LMF1: variants seen among roughly 807,000 people sequenced by gnomAD.
LMF1 encodes the protein lipase maturation factor 1, also known as transmembrane protein 112.
In LMF1, 68 loss-of-function variants were observed where a neutral mutation model predicts 60.6. The ratio of observed to expected loss-of-function variants is 1.12; its 90% CI spans 0.92 to 1.37. The LOEUF (loss-of-function observed/expected upper bound fraction) is 1.37. Ranked by LOEUF, LMF1 falls within the 40% of genes most tolerant of loss-of-function variation. LMF1 has a pLI of 0.00. For synonymous variants in LMF1, 418 were observed against 324.7 expected, an observed-to-expected ratio of 1.29 and a Z score of -3.09; for missense variants, 948 against 767.2, an observed-to-expected ratio of 1.24 and a Z score of -2.78.
intron 4 of LMF1, chr16:901,311 C>G (rs2070806318): frequency 6.6e-6 from 1 of 152,078 alleles, no homozygotes; most frequent in East Asian, 1.9e-4. Flanking sequence ...CAGGGGGCGT[C>G]ACGGAAAACC....
chr16:978,125 ACAC>A (rs756085732), intron 1 of LMF1, among the ~76,000 whole-genome samples: 5,663 of 107,360 alleles, frequency 0.053, 176 homozygotes, highest in Middle Eastern at 0.11. Flanking sequence ...CACCATACAC[ACAC>A]CACACCACAC....
chr16:966,649 G>A (rs754481457), intron 1 of LMF1, among the ~76,000 whole-genome samples: 48 of 152,226 alleles, frequency 3.2e-4, no homozygotes, highest in African/African-American at 8.4e-4. Flanking sequence ...TCTCCCAGGC[G>A]GGTGTGTCCT....
intron 4 of LMF1, chr16:903,639 GT>G (rs58363768): frequency 0.18 from 7,382 of 40,556 alleles, 26 homozygotes; most frequent in Non-Finnish European, 0.26. Flanking sequence ...CTGCTGCGTG[GT>G]GGTGACCTCT....
At chr16:914,775 C>CATTGGTGACACA in intron 3 of LMF1, among the ~76,000 whole-genome samples, 4 of 81,782 alleles carry the variant, frequency 4.9e-5, no homozygotes, top group Non-Finnish European at 8.2e-5. Flanking sequence ...CCCTCCCTCC[C>CATTGGTGACACA]TTCCCATGAC....
chr16:926,155 CATAT>C (rs1459802747), intron 3 of LMF1, among the ~76,000 whole-genome samples: 2 of 150,078 alleles, frequency 1.3e-5, no homozygotes, highest in East Asian at 4.0e-4. Context: ...CCTGTGTTTG[CATAT>C]GTGCATACGC....
At chr16:912,984 G>C (rs1003132108) in intron 3 of LMF1, among the ~76,000 whole-genome samples, 2 of 152,214 alleles carry the variant, frequency 1.3e-5, no homozygotes, top group Admixed American at 1.3e-4. Flanking sequence ...TGCCTGAAGC[G>C]AGCCCCAGGC....
intron 3 of LMF1, among the ~76,000 whole-genome samples, chr16:932,384 C>T (rs1489046598): frequency 6.6e-6 from 1 of 152,214 alleles, no homozygotes; most frequent in Non-Finnish European, 1.5e-5. Context: ...CCCCGGCCTG[C>T]CCGCTCACAG....
At chr16:926,891 G>A (rs9930877) in intron 3 of LMF1, among the ~76,000 whole-genome samples, 35,851 of 152,106 alleles carry the variant, frequency 0.24, 5,146 homozygotes, top group African/African-American at 0.38. Context: ...CTCCCTGGAC[G>A]GCACCCCGGG....
Position 869,004 on chromosome 16 carries a change from C to G in LMF1, c.1469G>C (p.Ser490Thr), listed in dbSNP as rs1240521402. The G allele has an allele frequency of 1.2e-6, 2 of 1,612,658 alleles. No homozygotes were observed. The highest frequency in any genetic ancestry group is 1.3e-5 in the African/African-American group (1 of 75,058). The change falls in exon 10 of 11, where the codon AGC becomes ACC. Residue 490 changes from serine to threonine, a missense_variant. Transcript: ENST00000262301. ...CAGCAGGGACAAGGCCTCGGCGTCGCTGGCCAGGAGCTTGCCAGCCAGGTG... is the reference window on the plus strand; with the variant it reads ...CAGCAGGGACAAGGCCTCGGCGTCGGTGGCCAGGAGCTTGCCAGCCAGGTG... The part of the protein sequence containing the change: ...IIHLAGKLLA[S>T]DAEALSLLAH...
chr16:891,165 G>C (rs1300375807), intron 5 of LMF1, among the ~76,000 whole-genome samples: 1 of 152,116 alleles, frequency 6.6e-6, no homozygotes, highest in Non-Finnish European at 1.5e-5. Context: ...GCAGCTGTGG[G>C]CCCCCCCGGC....
intron 1 of LMF1, chr16:978,978 C>T (rs780222126): frequency 5.3e-5 from 24 of 453,916 alleles, no homozygotes; most frequent in Admixed American, 4.7e-5. Context: ...CTTTCCCAGA[C>T]CATCCTTCCT....
intron 3 of LMF1, among the ~76,000 whole-genome samples, chr16:925,661 C>T (rs575342299): frequency 3.9e-5 from 6 of 152,146 alleles, no homozygotes; most frequent in East Asian, 1.9e-4. Context: ...CTTGAGTCTG[C>T]GGAGGTCGAG....
intron 3 of LMF1, among the ~76,000 whole-genome samples, chr16:917,044 A>G (rs563930747): frequency 4.9e-4 from 74 of 152,352 alleles, no homozygotes; most frequent in African/African-American, 1.7e-3. Flanking sequence ...GACGCCACCC[A>G]GGGGCTGCCA....
rs752712034 is a variant in LMF1, at chr16:970,946, G to T, written c.35C>A (p.Ala12Glu). 2 of 1,543,436 alleles carry T rather than the reference G, an allele frequency of 1.3e-6. No individual in the cohort carries two copies. The highest frequency in any genetic ancestry group is 3.6e-5 in the Admixed American group (2 of 55,018). ...RPDSPTMAAPAESLRRRKTGY... is the reference protein window; with the variant it reads ...RPDSPTMAAPEESLRRRKTGY... ...AGTCTTCCGCCTCCTCAGCGACTCC[G>T]CGGGCGCCGCCATTGTTGGGCTGTC... is the stretch of plus-strand genomic sequence containing the variant. The change falls in exon 1 of 11, where the codon GCG becomes GAG. Residue 12 changes from alanine (A) to glutamate (E), a missense_variant. Transcript: ENST00000262301.
chr16:951,562 T>C (rs2072468424), intron 2 of LMF1, among the ~76,000 whole-genome samples: 1 of 152,224 alleles, frequency 6.6e-6, no homozygotes, highest in South Asian at 2.1e-4. Context: ...CTCTCCGTCA[T>C]AAATGTTGCC....
At chr16:946,812 G>C (rs1317850610) in intron 2 of LMF1, among the ~76,000 whole-genome samples, 7 of 152,158 alleles carry the variant, frequency 4.6e-5, no homozygotes, top group Non-Finnish European at 1.5e-5. Context: ...CTGAAGTCAG[G>C]GCACCCCCTC....
chr16:883,124 T>C (rs1353084995), intron 5 of LMF1, among the ~76,000 whole-genome samples: 7 of 147,986 alleles, frequency 4.7e-5, no homozygotes, highest in Admixed American at 1.3e-4. Flanking sequence ...GCGGAGCCCA[T>C]TGCAGGACCA....
chr16:978,158 A>G (rs530978896), intron 1 of LMF1, among the ~76,000 whole-genome samples: 1,638 of 149,902 alleles, frequency 0.011, 25 homozygotes, highest in South Asian at 0.084. Context: ...ATACACACAC[A>G]CACACACCAC....
chr16:955,465 G>A (rs1420186979), intron 1 of LMF1, among the ~76,000 whole-genome samples: 15 of 138,516 alleles, frequency 1.1e-4, no homozygotes, highest in African/African-American at 2.0e-4. Flanking sequence ...GACGCGGTGT[G>A]TGCATACACA....
Sources: allele counts gnomAD v4.1 joint callset (sites outside exome capture counted in the v4.1 genomes callset), GRCh38; gene constraint gnomAD v4.1.1; transcripts MANE v1.5; gene names NCBI Gene and HGNC (gene_info 2026-07-23, HGNC 2026-07-21).